Variants in OTUD7A observed in about 807,000 individuals in gnomAD.
OTUD7A encodes OTU deubiquitinase 7A.
Under a neutral mutation model 65.7 loss-of-function variants are expected in OTUD7A, and 12 were observed. The observed-to-expected ratio is 0.18, with a 90% CI of 0.12 to 0.30. The LOEUF is 0.30. Among genes scored for constraint, OTUD7A ranks in the 10% least tolerant of loss-of-function variants. OTUD7A has a pLI of 1.00. For synonymous variants in OTUD7A, 641 were observed against 586.3 expected (o/e 1.09, Z -1.35); for missense variants, 1,148 against 1,304.8 (o/e 0.88, Z 1.85).
intron 1 of OTUD7A, among the ~76,000 whole-genome samples, chr15:31,666,754 T>C (rs1892332316): frequency 6.6e-6 from 1 of 152,158 alleles, no homozygotes; most frequent in Non-Finnish European, 1.5e-5. Context: ...TCAGTCTTTT[T>C]GATAGGTGTT....
At chr15:31,542,178 A>G (rs1386641691) in intron 5 of OTUD7A, among the ~76,000 whole-genome samples, 1 of 152,144 alleles carries the variant, frequency 6.6e-6, no homozygotes, top group Non-Finnish European at 1.5e-5. Context: ...AACACAACAG[A>G]AAACAAGCCA....
At position 31,525,720 on chromosome 15, in the gene OTUD7A, T is replaced by C. The variant is rs564646861; in HGVS notation, c.893+629A>G. Among the ~76,000 whole-genome samples, 30 of 152,382 alleles carry C rather than the reference T, an allele frequency of 2.0e-4. No homozygotes were observed. The East Asian group carries it at 3.5e-3, about 18-fold the overall frequency. On this transcript the variant is annotated intron_variant, in intron 8 of 12. Transcript: ENST00000307050. ...AGAATAAGCCGCGGCCAAGGCTCTA[T>C]GGCTGCCCCACTGGTCTGGCCACGG... is the stretch of plus-strand genomic sequence containing the variant.
rs1187502128 is a variant in OTUD7A, at chr15:31,615,332, A to G, written c.151+39764T>C. On this transcript the variant is annotated intron_variant, in intron 3 of 12. Coordinates refer to ENST00000307050, the MANE Select transcript of OTUD7A (RefSeq NM_001382637.1). ...CAAAAGAGCTAATGTAGAAAAACCA[A>G]TGTCAGACAAGTTGACGTTAATGAA... Among the ~76,000 whole-genome samples the G allele has an allele frequency of 7.9e-5, 12 of 152,348 alleles. No homozygotes were observed. In the East Asian group the frequency reaches 2.3e-3, roughly 29 times the overall value.
intron 1 of OTUD7A, among the ~76,000 whole-genome samples, chr15:31,734,705 T>C (rs1894138670): frequency 6.6e-6 from 1 of 151,854 alleles, no homozygotes; most frequent in Admixed American, 6.6e-5. Flanking sequence ...TAGCCATGTA[T>C]GGAAGATTGA....
At chr15:31,870,387 G>A (rs1048397720) in intron 1 of OTUD7A, 120 bp downstream of exon 1, 3 of 146,418 alleles carry the variant, frequency 2.0e-5, no homozygotes, top group African/African-American at 4.9e-5. Flanking sequence ...ACGCCCACCT[G>A]CCTCGCCACG....
chr15:31,624,500 G>C (rs933657135), intron 3 of OTUD7A, among the ~76,000 whole-genome samples: 8 of 152,188 alleles, frequency 5.3e-5, no homozygotes, highest in Admixed American at 1.3e-4. Flanking sequence ...GGTGTACTGG[G>C]TTGGCCCCAG....
At chr15:31,684,736 C>T (rs568560802) in intron 1 of OTUD7A, among the ~76,000 whole-genome samples, 34 of 148,862 alleles carry the variant, frequency 2.3e-4, no homozygotes, top group Admixed American at 1.8e-3. Context: ...AGACAGAAGT[C>T]GCAGTGTTTG....
intron 4 of OTUD7A, among the ~76,000 whole-genome samples, chr15:31,563,406 T>C (rs903485153): frequency 3.3e-5 from 5 of 152,174 alleles, no homozygotes; most frequent in South Asian, 2.1e-4. Context: ...AATTTAAGAA[T>C]AATCAGCAAG....
At chr15:31,703,947 T>TAA (rs957853834) in intron 1 of OTUD7A, among the ~76,000 whole-genome samples, 1 of 133,424 alleles carries the variant, frequency 7.5e-6, no homozygotes, top group Non-Finnish European at 1.7e-5. Context: ...TTATTCCAAG[T>TAA]AAAAAAAAAT....
intron 3 of OTUD7A, among the ~76,000 whole-genome samples, chr15:31,624,066 AG>A (rs1323207996): frequency 6.6e-6 from 1 of 152,242 alleles, no homozygotes; most frequent in Non-Finnish European, 1.5e-5. Flanking sequence ...GCTTTGTAGT[AG>A]GTTTTGCAGT....
chr15:31,488,065 C>T (rs752643364), intron 10 of OTUD7A, among the ~76,000 whole-genome samples: 4 of 152,152 alleles, frequency 2.6e-5, no homozygotes, highest in African/African-American at 7.2e-5. Flanking sequence ...TGGACCCACC[C>T]GCCCCTGCCC....
At chr15:31,844,992 C>CTACCCCCA (rs1415512576) in intron 1 of OTUD7A, among the ~76,000 whole-genome samples, 1 of 152,146 alleles carries the variant, frequency 6.6e-6, no homozygotes. Flanking sequence ...GAAGACCCTG[C>CTACCCCCA]TACCCCCAGC....
At chr15:31,623,029 C>T (rs1160328692) in intron 3 of OTUD7A, among the ~76,000 whole-genome samples, 2 of 152,214 alleles carry the variant, frequency 1.3e-5, no homozygotes, top group East Asian at 3.9e-4. Flanking sequence ...TGGAGGTCCA[C>T]TCCAGAACCT....
chr15:31,670,248 T>A (rs1892446323), intron 1 of OTUD7A, among the ~76,000 whole-genome samples: 4 of 151,956 alleles, frequency 2.6e-5, no homozygotes. Context: ...AACACACACA[T>A]GCATGTATCT....
chr15:31,790,975 C>G (rs534821453), intron 1 of OTUD7A, among the ~76,000 whole-genome samples: 1 of 152,198 alleles, frequency 6.6e-6, no homozygotes, highest in East Asian at 1.9e-4. Context: ...CTGGGAGGTG[C>G]AAGTCTTGAG....
chr15:31,742,249 A>T (rs967498438), intron 1 of OTUD7A, among the ~76,000 whole-genome samples: 4 of 152,122 alleles, frequency 2.6e-5, no homozygotes, highest in African/African-American at 9.6e-5. Context: ...AGAAGTAGTA[A>T]GAAAAAAGAA....
chr15:31,837,063 A>G (rs1312829670), intron 1 of OTUD7A, among the ~76,000 whole-genome samples: 1 of 152,234 alleles, frequency 6.6e-6, no homozygotes, highest in Non-Finnish European at 1.5e-5. Context: ...CTATTTACAG[A>G]TAACATAGTC....
chr15:31,684,882 G>C (rs553050168), intron 1 of OTUD7A, among the ~76,000 whole-genome samples: 4 of 147,342 alleles, frequency 2.7e-5, no homozygotes, highest in African/African-American at 9.9e-5. Flanking sequence ...ATGCTTGGGA[G>C]CTGTGTCAGA....
chr15:31,684,304 T>C (rs1366265821), intron 1 of OTUD7A, among the ~76,000 whole-genome samples: 6 of 152,078 alleles, frequency 3.9e-5, no homozygotes, highest in Non-Finnish European at 8.8e-5. Context: ...CTGGCAAAGA[T>C]GAAACACAGC....
Sources: gnomAD v4.1 joint callset for allele counts (sites outside exome capture counted in the v4.1 genomes callset) on GRCh38, gnomAD v4.1.1 for gene constraint, MANE v1.5 for transcripts, NCBI Gene and HGNC (gene_info 2026-07-23, HGNC 2026-07-21) for gene names.